The following CATSPERB variants were observed in gnomAD, a reference collection of about 807,000 sequenced individuals.
CATSPERB encodes cation channel sperm-associated auxiliary subunit beta.
In CATSPERB, 93 loss-of-function variants were observed where a neutral mutation model predicts 128.3. The ratio of observed to expected loss-of-function variants is 0.72; its 90% CI spans 0.61 to 0.86. The LOEUF (loss-of-function observed/expected upper bound fraction) is 0.86. CATSPERB is among the 40% of genes least tolerant of loss of function. CATSPERB has a pLI of 0.00. For missense variants in CATSPERB, 1,153 were observed against 1,329.5 expected (o/e 0.87, Z 2.06); for synonymous variants, 381 against 448.8 (o/e 0.85, Z 1.91).
intron 22 of CATSPERB, among the ~76,000 whole-genome samples, chr14:91,607,728 A>T (rs1339299132): frequency 6.6e-6 from 1 of 152,146 alleles, no homozygotes; most frequent in Non-Finnish European, 1.5e-5. Context: ...CTGTCTGTGC[A>T]TGTGTATGGG....
chr14:91,591,869 C>G (rs947089525), intron 23 of CATSPERB, 23 bp downstream of exon 23: 7 of 1,468,746 alleles, frequency 4.8e-6, no homozygotes, highest in Non-Finnish European at 6.7e-6. Context: ...ATCCTGTATT[C>G]AGGTAATTAG....
At chr14:91,637,961 G>T (rs1407697404) in intron 16 of CATSPERB, among the ~76,000 whole-genome samples, 1 of 151,996 alleles carries the variant, frequency 6.6e-6, no homozygotes, top group Non-Finnish European at 1.5e-5. Context: ...CCCCAGACTT[G>T]GGCAAAGACA....
intron 10 of CATSPERB, among the ~76,000 whole-genome samples, chr14:91,684,154 AAAG>A (rs2139839952): frequency 6.6e-6 from 1 of 152,364 alleles, no homozygotes; most frequent in African/African-American, 2.4e-5. Flanking sequence ...CATAAAGAGA[AAAG>A]AAATCACACA....
At chr14:91,661,524 C>CATATATAT (rs58330624) in intron 14 of CATSPERB, among the ~76,000 whole-genome samples, 17,790 of 126,696 alleles carry the variant, frequency 0.14, 1,448 homozygotes, top group South Asian at 0.25. Flanking sequence ...CAGATGCTAT[C>CATATATAT]ATATATATAT....
intron 15 of CATSPERB, among the ~76,000 whole-genome samples, chr14:91,649,897 T>C (rs527323574): frequency 6.6e-6 from 1 of 152,266 alleles, no homozygotes; most frequent in South Asian, 2.1e-4. Context: ...ATAATATTTA[T>C]AATTATTTCC....
In CATSPERB at chr14:91,719,482, G is replaced by A; in HGVS notation, c.310-4C>T. Reference sequence around the variant, plus strand: ...ACCACAAAATCCGATCACTGAACTTGAATAAAGAAGACATCAGAAAACAAT... The same window carrying A: ...ACCACAAAATCCGATCACTGAACTTAAATAAAGAAGACATCAGAAAACAAT... On this transcript the variant is annotated splice_region_variant and splice_polypyrimidine_tract_variant and intron_variant, in intron 4 of 26. Coordinates refer to ENST00000256343, the MANE Select transcript of CATSPERB (RefSeq NM_024764.4). 1 of 1,606,440 alleles carries A rather than the reference G, an allele frequency of 6.2e-7. No individual in the cohort carries two copies.
chr14:91,608,419 A>G lies in CATSPERB; in HGVS notation c.2599-15T>C. The G allele has an allele frequency of 1.5e-6, 2 of 1,347,326 alleles. No homozygotes were observed. Among genetic ancestry groups the G allele is most frequent in the East Asian group, 2.3e-5 (1 of 43,434 alleles). The allele number at this position is 1,347,326 out of a possible 1,614,324, so 83.5% of individuals were successfully genotyped here. On this transcript the variant is annotated splice_polypyrimidine_tract_variant and intron_variant, in intron 21 of 26. Transcript: ENST00000256343. ...CTGTAGTTTATCTGCAAGTGATTAA[A>G]CAAAGAAAATGTACAATTCATTATT...
intron 7 of CATSPERB, among the ~76,000 whole-genome samples, chr14:91,696,373 A>G (rs2139848521): frequency 6.6e-6 from 1 of 152,368 alleles, no homozygotes; most frequent in South Asian, 2.1e-4. Flanking sequence ...TTTTGAGCAG[A>G]GACTGGTCGA....
At chr14:91,699,664 C>T (rs1895615902) in intron 7 of CATSPERB, among the ~76,000 whole-genome samples, 1 of 151,556 alleles carries the variant, frequency 6.6e-6, no homozygotes, top group Non-Finnish European at 1.5e-5. Flanking sequence ...ACCTCTGCCT[C>T]CCGGGTTCAA....
intron 20 of CATSPERB, among the ~76,000 whole-genome samples, chr14:91,615,277 A>G (rs1451836678): frequency 6.6e-6 from 1 of 152,220 alleles, no homozygotes; most frequent in Non-Finnish European, 1.5e-5. Context: ...TGAACTGCAC[A>G]TGCGAGGGAT....
intron 18 of CATSPERB, among the ~76,000 whole-genome samples, chr14:91,624,557 C>G (rs1187723841): frequency 6.6e-6 from 1 of 151,660 alleles, no homozygotes; most frequent in Non-Finnish European, 1.5e-5. Flanking sequence ...AGGAGAATCG[C>G]TTGAACCTGG....
intron 24 of CATSPERB, among the ~76,000 whole-genome samples, 155 bp from the exon 25 acceptor site, chr14:91,588,233 T>C (rs1893337980): frequency 6.6e-6 from 1 of 152,194 alleles, no homozygotes; most frequent in Non-Finnish European, 1.5e-5. Flanking sequence ...CACATTAAGG[T>C]ACAATGAAAG....
At chr14:91,622,873 T>C (rs2139789043) in intron 18 of CATSPERB, among the ~76,000 whole-genome samples, 1 of 151,320 alleles carries the variant, frequency 6.6e-6, no homozygotes, top group Non-Finnish European at 1.5e-5. Context: ...CCAACAGCTT[T>C]TTGTCAAAGT....
At chr14:91,718,689 A>T (rs1324331269) in intron 5 of CATSPERB, among the ~76,000 whole-genome samples, 1 of 152,254 alleles carries the variant, frequency 6.6e-6, no homozygotes, top group Non-Finnish European at 1.5e-5. Context: ...GATAAGACAG[A>T]CAAACAGGGT....
chr14:91,704,287 T>C (rs1436781563), intron 7 of CATSPERB, among the ~76,000 whole-genome samples: 1 of 152,142 alleles, frequency 6.6e-6, no homozygotes, highest in Non-Finnish European at 1.5e-5. Context: ...GAAAGTAACA[T>C]ATTAATGGAG....
intron 5 of CATSPERB, among the ~76,000 whole-genome samples, chr14:91,715,391 G>A (rs185133274): frequency 2.0e-5 from 3 of 151,320 alleles, no homozygotes; most frequent in Non-Finnish European, 1.5e-5. Flanking sequence ...GCGAAACCCC[G>A]TCTCTACTAA....
At chr14:91,703,680 G>T (rs1180742455) in intron 7 of CATSPERB, among the ~76,000 whole-genome samples, 1 of 152,170 alleles carries the variant, frequency 6.6e-6, no homozygotes, top group Non-Finnish European at 1.5e-5. Flanking sequence ...CTACATACCA[G>T]GGGTGTGGCG....
At chr14:91,691,344 T>C (rs1002629611) in intron 10 of CATSPERB, among the ~76,000 whole-genome samples, 179 bp downstream of exon 10, 2 of 152,234 alleles carry the variant, frequency 1.3e-5, no homozygotes, top group South Asian at 4.1e-4. Flanking sequence ...TACGAATATA[T>C]GTATAAATAA....
intron 17 of CATSPERB, among the ~76,000 whole-genome samples, chr14:91,630,351 A>G (rs1894252922): frequency 1.3e-5 from 2 of 152,170 alleles, no homozygotes; most frequent in Non-Finnish European, 2.9e-5. Flanking sequence ...AGAATCACCC[A>G]TCTGTATCTG....
Sources: allele counts gnomAD v4.1 joint callset (sites outside exome capture counted in the v4.1 genomes callset), GRCh38; gene constraint gnomAD v4.1.1; transcripts MANE v1.5; gene names NCBI Gene and HGNC (gene_info 2026-07-23, HGNC 2026-07-21).